CNTN5: variants seen among roughly 807,000 people sequenced by gnomAD.
The protein encoded by CNTN5 is contactin-5.
A neutral mutation model predicts 129.1 loss-of-function variants in CNTN5; 77 were observed. The ratio of observed to expected loss-of-function variants is 0.60; its 90% CI spans 0.50 to 0.72. The LOEUF is 0.72. CNTN5 is among the 30% of genes least tolerant of loss of function. The pLI is 0.00. For synonymous variants in CNTN5, 509 were observed against 465.6 expected, an observed-to-expected ratio of 1.09 and a Z score of -1.20; for missense variants, 1,478 against 1,328.8, an observed-to-expected ratio of 1.11 and a Z score of -1.75.
intron 1 of CNTN5, among the ~76,000 whole-genome samples, chr11:99,319,157 A>G (rs1309174162): frequency 6.6e-6 from 1 of 152,200 alleles, no homozygotes; most frequent in Non-Finnish European, 1.5e-5. Context: ...ATGGGTTAAT[A>G]TATTCGGAAG....
chr11:99,380,185 G>A (rs897445036), intron 2 of CNTN5, among the ~76,000 whole-genome samples: 4 of 151,854 alleles, frequency 2.6e-5, no homozygotes, highest in African/African-American at 9.7e-5. Flanking sequence ...GTAACCATTT[G>A]AAGAAATATT....
chr11:100,217,086 G>T (rs1394409831), intron 15 of CNTN5, among the ~76,000 whole-genome samples: 2 of 152,062 alleles, frequency 1.3e-5, no homozygotes, highest in Non-Finnish European at 2.9e-5. Context: ...ATTTTTTTCT[G>T]CAATGACTTT....
chr11:99,557,248 A>G (rs1468733469), intron 3 of CNTN5, among the ~76,000 whole-genome samples: 2 of 151,342 alleles, frequency 1.3e-5, no homozygotes, highest in Non-Finnish European at 3.0e-5. Flanking sequence ...ATATAAATAC[A>G]TACATGTTCC....
chr11:99,611,757 A>G (rs999138534), intron 3 of CNTN5, among the ~76,000 whole-genome samples: 1 of 152,162 alleles, frequency 6.6e-6, no homozygotes, highest in African/African-American at 2.4e-5. Flanking sequence ...TCATTCTAAT[A>G]GCTTCATTTG....
intron 1 of CNTN5, among the ~76,000 whole-genome samples, chr11:99,221,619 T>A (rs1440524835): frequency 6.6e-6 from 1 of 151,936 alleles, no homozygotes; most frequent in Non-Finnish European, 1.5e-5. Context: ...ATCATAGCCT[T>A]TTTAACTTTC....
intron 3 of CNTN5, among the ~76,000 whole-genome samples, chr11:99,627,143 G>A (rs606561): frequency 0.61 from 92,893 of 151,796 alleles, 29,305 homozygotes; most frequent in Admixed American, 0.74. Context: ...TGCAGGCAGC[G>A]AAAATTGTTG....
chr11:99,929,979 G>A (rs1791865611), intron 7 of CNTN5, among the ~76,000 whole-genome samples: 2 of 152,190 alleles, frequency 1.3e-5, no homozygotes, highest in Admixed American at 1.3e-4. Context: ...AAGATTGACT[G>A]CCTCGCCTGA....
intron 3 of CNTN5, among the ~76,000 whole-genome samples, chr11:99,797,563 A>G (rs1450677871): frequency 1.3e-5 from 2 of 152,078 alleles, no homozygotes; most frequent in South Asian, 2.1e-4. Context: ...CTTCTTGGCC[A>G]CTTGTATGTC....
chr11:99,167,165 A>G (rs1052518377), intron 1 of CNTN5, among the ~76,000 whole-genome samples: 1 of 151,736 alleles, frequency 6.6e-6, no homozygotes, highest in African/African-American at 2.4e-5. Context: ...AAAACATTTT[A>G]TGTTATTTTT....
chr11:99,337,901 A>C (rs1179530991), intron 2 of CNTN5, among the ~76,000 whole-genome samples: 1 of 152,176 alleles, frequency 6.6e-6, no homozygotes, highest in Non-Finnish European at 1.5e-5. Flanking sequence ...ATCTGTACTA[A>C]ATGTTGTTTT....
At chr11:99,846,024 A>C (rs1947681988) in intron 6 of CNTN5, among the ~76,000 whole-genome samples, 2 of 152,074 alleles carry the variant, frequency 1.3e-5, no homozygotes, top group African/African-American at 4.8e-5. Context: ...GCCAGGTAAC[A>C]AAAAATACCT....
At chr11:99,371,857 C>G (rs1939846300) in intron 2 of CNTN5, among the ~76,000 whole-genome samples, 1 of 152,126 alleles carries the variant, frequency 6.6e-6, no homozygotes, top group African/African-American at 2.4e-5. Context: ...CTGTCATTTT[C>G]CCTTTAGACA....
intron 4 of CNTN5, among the ~76,000 whole-genome samples, chr11:99,838,139 G>A (rs966866640): frequency 9.9e-5 from 15 of 151,900 alleles, no homozygotes; most frequent in East Asian, 3.9e-4. Context: ...ACAAATTTAC[G>A]GTTTTAATTT....
At chr11:99,459,548 T>C (rs1944615594) in intron 2 of CNTN5, among the ~76,000 whole-genome samples, 1 of 151,982 alleles carries the variant, frequency 6.6e-6, no homozygotes, top group Non-Finnish European at 1.5e-5. Flanking sequence ...CTATGCTGCA[T>C]GCAAGGAATA....
chr11:99,313,784 A>C (rs1785916432), intron 1 of CNTN5, among the ~76,000 whole-genome samples: 1 of 152,096 alleles, frequency 6.6e-6, no homozygotes, highest in African/African-American at 2.4e-5. Flanking sequence ...TGAACAGCAA[A>C]TATTTATTCT....
intron 2 of CNTN5, among the ~76,000 whole-genome samples, chr11:99,507,375 C>CAA (rs35059394): frequency 0.017 from 1,510 of 87,030 alleles, 29 homozygotes; most frequent in South Asian, 0.03. Flanking sequence ...GACTCTGTCT[C>CAA]AAAAAAAAAA....
intron 6 of CNTN5, among the ~76,000 whole-genome samples, chr11:99,863,651 A>G (rs539849782): frequency 6.6e-6 from 1 of 152,328 alleles, no homozygotes; most frequent in African/African-American, 2.4e-5. Context: ...TTTAGAAATT[A>G]GGGATATTCA....
chr11:99,796,451 G>T (rs2119579), intron 3 of CNTN5, among the ~76,000 whole-genome samples: 1 of 151,964 alleles, frequency 6.6e-6, no homozygotes, highest in Non-Finnish European at 1.5e-5. Context: ...GGAAGGATAT[G>T]GTGGGGGGTA....
chr11:99,943,112 CTGTCTTCCACAA>C (rs1170930905), intron 7 of CNTN5, among the ~76,000 whole-genome samples: 1 of 152,184 alleles, frequency 6.6e-6, no homozygotes, highest in Non-Finnish European at 1.5e-5. Flanking sequence ...AATCATCACA[CTGTCTTCCACAA>C]TGGTTGAACT....
Sources: allele counts gnomAD v4.1 joint callset (sites outside exome capture counted in the v4.1 genomes callset), GRCh38; gene constraint gnomAD v4.1.1; transcripts MANE v1.5; gene names NCBI Gene and HGNC (gene_info 2026-07-23, HGNC 2026-07-21).